The following ITPR2 variants were observed in gnomAD, a reference collection of about 807,000 sequenced individuals.
ITPR2 encodes the protein inositol 1,4,5-trisphosphate receptor type 2.
Under a neutral mutation model 317.1 loss-of-function variants are expected in ITPR2, and 207 were observed. The observed-to-expected ratio is 0.65, with a 90% CI of 0.58 to 0.73. The LOEUF (loss-of-function observed/expected upper bound fraction) is 0.73, where lower values mean the gene tolerates loss of function less well. Among genes scored for constraint, ITPR2 ranks in the 30% least tolerant of loss-of-function variants. The pLI is 0.00. For missense variants in ITPR2, 2,613 were observed against 3,284.0 expected, an observed-to-expected ratio of 0.80 and a Z score of 4.99; for synonymous variants, 1,156 against 1,149.1, an observed-to-expected ratio of 1.01 and a Z score of -0.12.
intron 21 of ITPR2, 26 bp downstream of exon 21, chr12:26,653,950 A>G: frequency 6.3e-7 from 1 of 1,578,806 alleles, no homozygotes; most frequent in South Asian, 1.1e-5. Flanking sequence ...TAACAATGAT[A>G]TTATCACATT....
At chr12:26,803,729 T>G (rs901448903) in intron 1 of ITPR2, among the ~76,000 whole-genome samples, 1 of 152,174 alleles carries the variant, frequency 6.6e-6, no homozygotes, top group Non-Finnish European at 1.5e-5. Context: ...TCTTCCCTGT[T>G]CCTTTATGCC....
chr12:26,364,319 T>C (rs1938936091), intron 55 of ITPR2, among the ~76,000 whole-genome samples: 1 of 152,210 alleles, frequency 6.6e-6, no homozygotes, highest in South Asian at 2.1e-4. Flanking sequence ...ATCATGAAGG[T>C]AGGGATTTTT....
intron 1 of ITPR2, among the ~76,000 whole-genome samples, chr12:26,812,315 T>C (rs974169925): frequency 6.6e-6 from 1 of 152,042 alleles, no homozygotes; most frequent in African/African-American, 2.4e-5. Flanking sequence ...CGGTGGCTCA[T>C]GCCTGTAATC....
In ITPR2 at chr12:26,686,642, A is replaced by G; in HGVS notation, c.997-10T>C. On this transcript the variant is annotated splice_polypyrimidine_tract_variant and intron_variant, in intron 10 of 56. Transcript: ENST00000381340. ...GAGGGACTCCATCTCTCTGTTGAGG[A>G]AGTACAAGTTTATTTACTTTTATCA... The G allele has an allele frequency of 1.3e-6, 2 of 1,598,680 alleles. No individual in the cohort carries two copies. The highest frequency in any genetic ancestry group is 1.1e-5 in the South Asian group (1 of 88,212).
intron 45 of ITPR2, among the ~76,000 whole-genome samples, chr12:26,472,784 G>A (rs533033421): frequency 6.6e-6 from 1 of 152,002 alleles, no homozygotes; most frequent in African/African-American, 2.4e-5. Context: ...CCATCTCTGA[G>A]CACTGCTTGC....
At chr12:26,367,128 A>G (rs960246679) in intron 55 of ITPR2, among the ~76,000 whole-genome samples, 3 of 152,352 alleles carry the variant, frequency 2.0e-5, no homozygotes, top group Admixed American at 1.3e-4. Context: ...CCTTAGATAT[A>G]TACTTTTATC....
intron 55 of ITPR2, 32 bp from the exon 56 acceptor site, chr12:26,340,360 A>G: frequency 6.4e-7 from 1 of 1,561,338 alleles, no homozygotes; most frequent in East Asian, 2.3e-5. Context: ...CGAACAAGGG[A>G]ATAAGTATGG....
chr12:26,494,888 G>T (rs1047914408), intron 38 of ITPR2, among the ~76,000 whole-genome samples: 1 of 147,844 alleles, frequency 6.8e-6, no homozygotes, highest in African/African-American at 2.5e-5. Context: ...AAAACAGAAA[G>T]AGAAAACTAG....
chr12:26,778,292 C>T (rs12297349), intron 2 of ITPR2, among the ~76,000 whole-genome samples: 2,519 of 152,284 alleles, frequency 0.017, 64 homozygotes, highest in African/African-American at 0.057. Context: ...GTGCCACCAT[C>T]GAGGACTTGA....
At chr12:26,367,360 C>A (rs960194608) in intron 55 of ITPR2, among the ~76,000 whole-genome samples, 1 of 152,132 alleles carries the variant, frequency 6.6e-6, no homozygotes, top group Non-Finnish European at 1.5e-5. Flanking sequence ...ATGCAATTTG[C>A]CAACCTGATT....
chr12:26,667,105 T>C (rs577277273), intron 13 of ITPR2, among the ~76,000 whole-genome samples: 1 of 152,362 alleles, frequency 6.6e-6, no homozygotes, highest in Admixed American at 6.5e-5. Flanking sequence ...TTCACTGTTA[T>C]TAGCATGTGA....
rs148110312 is a variant in ITPR2, at chr12:26,659,142, G to A, written c.1857C>T (p.Val619=). 1.1e-3 allele frequency: 1,854 copies of A among 1,613,184 alleles called. 3 individuals are homozygous for A. Among genetic ancestry groups the A allele is most frequent in the Middle Eastern group, 4.8e-3 (29 of 6,056 alleles). ...GCTCCCGATTTCTCCTGAGTAAACT[G>A]ACAAATGTTTCTATTTCTTTTGCTG... is the stretch of plus-strand genomic sequence containing the variant. The part of the protein sequence containing the change: ...HITAKEIETF[V]SLLRRNREPR... The change falls in exon 16 of 57, where the codon GTC becomes GTT. Residue 619 remains valine (V), a synonymous_variant. Transcript: ENST00000381340.
At chr12:26,598,371 A>C (rs1418018912) in intron 30 of ITPR2, among the ~76,000 whole-genome samples, 1 of 152,188 alleles carries the variant, frequency 6.6e-6, no homozygotes, top group East Asian at 1.9e-4. Context: ...TCATAATGAA[A>C]ATGCCCAGAA....
At position 26,650,535 on chromosome 12, in the gene ITPR2, G is replaced by A. The variant is rs578047066; in HGVS notation, c.2740+3441C>T. Among the ~76,000 whole-genome samples, 5 of 152,134 alleles carry A rather than the reference G, an allele frequency of 3.3e-5. No individual in the cohort carries two copies. The South Asian group carries it at 1.0e-3, about 32-fold the overall frequency. The stretch of plus-strand genomic sequence containing the variant: ...TTGATATGGGGACGCTATGCATGTT[G>A]GGGGGCAGGTGATAAATAAAAAATC... On this transcript the variant is annotated intron_variant, in intron 21 of 56. Coordinates refer to ENST00000381340, the MANE Select transcript of ITPR2 (RefSeq NM_002223.4).
intron 45 of ITPR2, among the ~76,000 whole-genome samples, chr12:26,461,118 G>A (rs1184297445): frequency 6.6e-6 from 1 of 152,158 alleles, no homozygotes; most frequent in Non-Finnish European, 1.5e-5. Flanking sequence ...AACCTCTGGA[G>A]TGTTCTTTTT....
intron 52 of ITPR2, among the ~76,000 whole-genome samples, chr12:26,405,929 G>C (rs1470662364): frequency 6.6e-6 from 1 of 152,134 alleles, no homozygotes; most frequent in Non-Finnish European, 1.5e-5. Flanking sequence ...TTGCACTCCA[G>C]CCTGGATGAC....
chr12:26,387,313 T>C (rs997146080), intron 55 of ITPR2, 121 bp downstream of exon 55: 3 of 932,578 alleles, frequency 3.2e-6, no homozygotes, highest in East Asian at 2.5e-5. Flanking sequence ...GACAGGCCTA[T>C]TTAAATGTTA....
intron 2 of ITPR2, among the ~76,000 whole-genome samples, chr12:26,742,222 A>G (rs1431058421): frequency 1.3e-5 from 2 of 152,230 alleles, no homozygotes; most frequent in Non-Finnish European, 2.9e-5. Flanking sequence ...CAGCCCATTG[A>G]TTGGATAAGC....
intron 55 of ITPR2, among the ~76,000 whole-genome samples, chr12:26,353,788 A>G (rs1565484876): frequency 6.6e-6 from 1 of 152,118 alleles, no homozygotes; most frequent in Non-Finnish European, 1.5e-5. Flanking sequence ...ACTGTAGATG[A>G]CTTATTAGAG....
Sources: gnomAD v4.1 joint callset for allele counts (sites outside exome capture counted in the v4.1 genomes callset) on GRCh38, gnomAD v4.1.1 for gene constraint, MANE v1.5 for transcripts, NCBI Gene and HGNC (gene_info 2026-07-23, HGNC 2026-07-21) for gene names.